The following DDX60L variants were observed in gnomAD, a reference collection of about 807,000 sequenced individuals.
The protein encoded by DDX60L is DExD/H-box 60 like.
DDX60L carries 191 observed loss-of-function variants against 211.6 expected under a neutral mutation model. The ratio of observed to expected loss-of-function variants is 0.90; its 90% CI spans 0.80 to 1.02. The LOEUF (loss-of-function observed/expected upper bound fraction) is 1.02. Ranked by LOEUF, DDX60L falls within the 50% of genes least tolerant of loss-of-function variation. The pLI is 0.00. For missense variants in DDX60L, 2,007 were observed against 1,984.1 expected (o/e 1.01, Z -0.22); for synonymous variants, 706 against 694.1 (o/e 1.02, Z -0.27).
chr4:168,358,524 C>CT lies in DDX60L; in HGVS notation c.4992-249dup, dbSNP rs70961514. Reference sequence around the variant, plus strand: ...TCTTCTTTTTTTCTTTTTTCTTTTTCTTTTTTTTTTTTTTTTTTTTTGAGA... The same window carrying CT: ...TCTTCTTTTTTTCTTTTTTCTTTTTCTTTTTTTTTTTTTTTTTTTTTTGAGA... On this transcript the variant is annotated intron_variant, in intron 37 of 37. Transcript: ENST00000682922. Among the ~76,000 whole-genome samples, 260 of 108,278 alleles carry CT rather than the reference C, an allele frequency of 2.4e-3. 1 individual carries two copies. Among genetic ancestry groups the CT allele is most frequent in the African/African-American group, 4.5e-3 (141 of 31,428 alleles). The allele number at this position is 108,278 out of a possible 152,430, so 71.0% of individuals were successfully genotyped here.
chr4:168,396,124 G>C lies in DDX60L; in HGVS notation c.3492C>G (p.Ile1164Met). 2 of 1,339,980 alleles carry C rather than the reference G, an allele frequency of 1.5e-6. No homozygotes were observed. Among genetic ancestry groups the C allele is most frequent in the Non-Finnish European group, 2.0e-6 (2 of 1,012,100 alleles). 83.0% of individuals were successfully genotyped at this position (1,339,980 alleles called of 1,614,324 possible). A position where few individuals can be genotyped will look rare whatever the true frequency, so the allele number is the denominator to read the frequency against. Residue 1164 changes from isoleucine (I) to methionine (M), a missense_variant and splice_region_variant, in exon 27 of 38, where the codon ATC becomes ATG. Ile to Met is a conservative substitution (Grantham distance 10). Coordinates refer to ENST00000682922, the MANE Select transcript of DDX60L (RefSeq NM_001012967.3). ...LEKVRKTQKR[I>M]TKKNPKKAEK... Reference sequence around the variant, plus strand: ...CAGCCTTCTTTGGGTTTTTTTTAGTGCTACTATTTAAAAAAAAAAAAAAAC... The same window carrying C: ...CAGCCTTCTTTGGGTTTTTTTTAGTCCTACTATTTAAAAAAAAAAAAAAAC...
intron 30 of DDX60L, among the ~76,000 whole-genome samples, chr4:168,381,070 C>T (rs1039888580): frequency 1.1e-4 from 16 of 152,176 alleles, no homozygotes; most frequent in Non-Finnish European, 1.8e-4. Flanking sequence ...TTCTATCAAC[C>T]TATGCGCATA....
At chr4:168,399,572 C>A (rs1366361709) in intron 26 of DDX60L, among the ~76,000 whole-genome samples, 1 of 152,128 alleles carries the variant, frequency 6.6e-6, no homozygotes, top group Non-Finnish European at 1.5e-5. Flanking sequence ...AACAACCAGA[C>A]CAGCACCTGT....
chr4:168,419,221 A>G, intron 19 of DDX60L, 81 bp downstream of exon 19: 2 of 935,230 alleles, frequency 2.1e-6, no homozygotes, highest in Non-Finnish European at 3.0e-6. Context: ...CATCATTGAA[A>G]AAGCCCTATA....
chr4:168,479,981 C>CA (rs60737462), intron 1 of DDX60L, among the ~76,000 whole-genome samples: 1,810 of 100,732 alleles, frequency 0.018, 40 homozygotes, highest in Admixed American at 0.027. Context: ...GAGACTGACT[C>CA]AAAAAAAAAA....
At chr4:168,367,225 A>G (rs1179865500) in intron 36 of DDX60L, among the ~76,000 whole-genome samples, 3 of 152,320 alleles carry the variant, frequency 2.0e-5, no homozygotes, top group South Asian at 2.1e-4. Context: ...CTCATCATGA[A>G]TCTTAACTCC....
At chr4:168,431,027 A>C (rs943826831) in intron 12 of DDX60L, among the ~76,000 whole-genome samples, 1 of 152,188 alleles carries the variant, frequency 6.6e-6, no homozygotes, top group Admixed American at 6.5e-5. Context: ...CATGCTGTCA[A>C]TTTTGGTCTC....
intron 14 of DDX60L, among the ~76,000 whole-genome samples, chr4:168,426,494 T>C (rs2149908998): frequency 6.6e-6 from 1 of 152,352 alleles, no homozygotes; most frequent in East Asian, 1.9e-4. Context: ...CCTGCTTCTT[T>C]GCCCTGGAGG....
At chr4:168,479,981 CAAAA>C (rs60737462) in intron 1 of DDX60L, among the ~76,000 whole-genome samples, 18,646 of 101,418 alleles carry the variant, frequency 0.18, 3,044 homozygotes, top group African/African-American at 0.47. Context: ...GAGACTGACT[CAAAA>C]AAAAAAAAAA....
At position 168,480,400 on chromosome 4, in the gene DDX60L, C is replaced by G. The variant is rs1323684759; in HGVS notation, c.-134G>C. The G allele has an allele frequency of 6.6e-6, 1 of 152,560 alleles. No homozygotes were observed. Among genetic ancestry groups the G allele is most frequent in the Non-Finnish European group, 1.5e-5 (1 of 68,344 alleles). The allele number at this position is 152,560 out of a possible 1,614,324, so 9.5% of individuals were successfully genotyped here. ...ACCCCGGCCGCCGAACCTGCTAGGT[C>G]CAAAGAGCTTCGGAGCTGCACGCCC... On this transcript the variant is annotated 5_prime_UTR_variant, in exon 1 of 38. Coordinates refer to ENST00000682922, the MANE Select transcript of DDX60L (RefSeq NM_001012967.3).
intron 10 of DDX60L, among the ~76,000 whole-genome samples, chr4:168,437,086 G>A (rs1316367287): frequency 1.3e-5 from 2 of 152,182 alleles, no homozygotes; most frequent in Non-Finnish European, 2.9e-5. Flanking sequence ...ACAACCCAAT[G>A]CAAACAGTAC....
intron 9 of DDX60L, among the ~76,000 whole-genome samples, chr4:168,445,478 G>A (rs1754630661): frequency 6.6e-6 from 1 of 152,062 alleles, no homozygotes; most frequent in African/African-American, 2.4e-5. Context: ...CATTCCTTCT[G>A]AAACTATTCC....
chr4:168,449,958 G>C (rs1372290878), intron 8 of DDX60L, among the ~76,000 whole-genome samples: 1 of 152,034 alleles, frequency 6.6e-6, no homozygotes, highest in Non-Finnish European at 1.5e-5. Flanking sequence ...CCTGGGTGTA[G>C]GCTGAACTAA....
intron 29 of DDX60L, among the ~76,000 whole-genome samples, chr4:168,390,689 C>G (rs1344251019): frequency 2.0e-5 from 3 of 150,950 alleles, no homozygotes; most frequent in Admixed American, 6.6e-5. Flanking sequence ...TTCCCTTTGA[C>G]TTACAATATA....
Position 168,453,158 on chromosome 4 carries a change from G to A in DDX60L, c.962C>T (p.Ser321Phe), listed in dbSNP as rs1756037433. 5 of 1,612,404 alleles carry A rather than the reference G, an allele frequency of 3.1e-6. No homozygotes were observed. The highest frequency in any genetic ancestry group is 3.3e-4 in the Middle Eastern group (2 of 6,056). The change falls in exon 8 of 38, where the codon TCT (serine) becomes TTT (phenylalanine). Residue 321 changes from serine (S) to phenylalanine (F), a missense_variant. Ser to Phe is a radical substitution (Grantham distance 155). Coordinates refer to ENST00000682922, the MANE Select transcript of DDX60L (RefSeq NM_001012967.3). ...QRACSRVITCSWIRNSDSFLK... is the reference protein window; with the variant it reads ...QRACSRVITCFWIRNSDSFLK... ...GAAAGAATCACTGTTCCTAATCCAA[G>A]AGCATGTGATGACTCGAGAACAAGC...
rs1053759861 is a variant in DDX60L, at chr4:168,357,851, C to A, written c.*296G>T. On this transcript the variant is annotated 3_prime_UTR_variant, in exon 38 of 38. Transcript: ENST00000682922. ...ACATTAACTACTAAAAAAACCACTA[C>A]CGTTCATTAAGTCACCACCCAATCC... 9.3e-6 allele frequency: 2 copies of A among 215,484 alleles called. No homozygotes were observed. Among genetic ancestry groups the A allele is most frequent in the Admixed American group, 5.7e-5 (1 of 17,558 alleles). The allele number at this position is 215,484 out of a possible 1,614,324, so 13.3% of individuals were successfully genotyped here. A position where few individuals can be genotyped will look rare whatever the true frequency, so the allele number is the denominator to read the frequency against.
At chr4:168,361,002 T>A (rs1378318366) in intron 37 of DDX60L, 147 bp downstream of exon 37, 1 of 626,676 alleles carries the variant, frequency 1.6e-6, no homozygotes, top group East Asian at 2.8e-5. Flanking sequence ...AGCCTTTGGA[T>A]AGCTGAATTG....
chr4:168,386,929 T>C (rs1743997465), intron 29 of DDX60L, among the ~76,000 whole-genome samples: 2 of 152,220 alleles, frequency 1.3e-5, no homozygotes, highest in African/African-American at 4.8e-5. Flanking sequence ...ATTTTATTGA[T>C]AAAGGGCTTG....
At position 168,457,432 on chromosome 4, in the gene DDX60L, G is replaced by A. The variant is rs758585637; in HGVS notation, c.723+460C>T. On this transcript the variant is annotated intron_variant, in intron 6 of 37. Transcript: ENST00000682922. ...CTTTCTTATGCAACCACCTTTTACC[G>A]CTTGAGCATCAGAAAAAAAAAAAAA... Among the ~76,000 whole-genome samples the A allele has an allele frequency of 5.0e-5, 7 of 140,428 alleles. No individual in the cohort carries two copies. The South Asian group carries it at 7.0e-4, about 14-fold the overall frequency. The allele number at this position is 140,428 out of a possible 152,430, so 92.1% of individuals were successfully genotyped here.
Sources: allele counts gnomAD v4.1 joint callset (sites outside exome capture counted in the v4.1 genomes callset), GRCh38; gene constraint gnomAD v4.1.1; transcripts MANE v1.5; gene names NCBI Gene and HGNC (gene_info 2026-07-23, HGNC 2026-07-21).